ARID2: variants seen among roughly 807,000 people sequenced by gnomAD.
ARID2 encodes the protein AT-rich interaction domain 2.
In ARID2, 32 loss-of-function variants were observed where a neutral mutation model predicts 184.6. That is an observed-to-expected ratio of 0.17 (90% CI 0.13 to 0.23). The LOEUF is 0.23. Ranked by LOEUF, ARID2 falls within the 10% of genes least tolerant of loss-of-function variation. The pLI, the probability that ARID2 is intolerant of heterozygous loss-of-function variation, is 1.00. For synonymous variants in ARID2, 836 were observed against 772.6 expected (o/e 1.08, Z -1.36); for missense variants, 1,696 against 2,197.6 (o/e 0.77, Z 4.56).
intron 16 of ARID2, among the ~76,000 whole-genome samples, chr12:45,865,632 G>A (rs1460437726): frequency 1.3e-5 from 2 of 151,992 alleles, no homozygotes; most frequent in Non-Finnish European, 2.9e-5. Context: ...TTTTTATTTA[G>A]AACTTATGTG....
chr12:45,734,135 G>A (rs1204056999), intron 3 of ARID2, among the ~76,000 whole-genome samples: 5 of 152,188 alleles, frequency 3.3e-5, no homozygotes, highest in Non-Finnish European at 5.9e-5. Context: ...TTGGGAGGCC[G>A]AGGCAGACGG....
chr12:45,754,043 C>G (rs1019792463), intron 3 of ARID2, among the ~76,000 whole-genome samples: 1 of 152,286 alleles, frequency 6.6e-6, no homozygotes, highest in East Asian at 1.9e-4. Flanking sequence ...CTAATAGTAT[C>G]ATTGAAATAC....
At chr12:45,867,912 A>G (rs1943857217) in intron 16 of ARID2, among the ~76,000 whole-genome samples, 1 of 152,172 alleles carries the variant, frequency 6.6e-6, no homozygotes, top group Non-Finnish European at 1.5e-5. Context: ...TTTGACAACT[A>G]TTAATATAAT....
rs147605841 is a variant in ARID2, at chr12:45,846,913, A to T, written c.1556A>T (p.Asp519Val). 1 of 1,613,170 alleles carries T rather than the reference A, an allele frequency of 6.2e-7. No individual in the cohort carries two copies. ...VAPPPGIVEI[D>V]SEKFACQWLN... ...CCACCTCCAGGAATAGTGGAAATAG[A>T]TAGTGAGAAGTTTGCTTGTCAGTGG... Residue 519 changes from aspartate (D) to valine (V), a missense_variant, in exon 12 of 21, where the codon GAT becomes GTT. By Grantham distance (152) the Asp-to-Val change is radical. This residue lies in a region of ARID2 where 713 missense variants were observed against 824.4 expected (regional missense o/e 0.86). Coordinates refer to ENST00000334344, the MANE Select transcript of ARID2 (RefSeq NM_152641.4).
intron 3 of ARID2, among the ~76,000 whole-genome samples, chr12:45,746,682 T>C (rs1941361820): frequency 6.6e-6 from 1 of 152,186 alleles, no homozygotes; most frequent in Non-Finnish European, 1.5e-5. Context: ...ATGACATAGA[T>C]ACTGTTAATA....
At chr12:45,734,172 C>T (rs1941063263) in intron 3 of ARID2, among the ~76,000 whole-genome samples, 1 of 152,062 alleles carries the variant, frequency 6.6e-6, no homozygotes. Flanking sequence ...AGTTTGAGAC[C>T]AGCCTGGCCA....
intron 3 of ARID2, among the ~76,000 whole-genome samples, chr12:45,780,610 AATTATT>A (rs569637304): frequency 2.0e-5 from 3 of 151,532 alleles, no homozygotes; most frequent in Admixed American, 1.3e-4. Context: ...AATTGATATA[AATTATT>A]ATTATTATTA....
At chr12:45,789,686 CAG>C (rs1420598133) in intron 3 of ARID2, 1 of 152,098 alleles carries the variant, frequency 6.6e-6, no homozygotes, top group Non-Finnish European at 1.5e-5. Flanking sequence ...TGTGTTATTC[CAG>C]TAACTTTTGC....
At chr12:45,899,654 T>C (rs1944422558) in intron 20 of ARID2, among the ~76,000 whole-genome samples, 1 of 49,376 alleles carries the variant, frequency 2.0e-5, no homozygotes, top group African/African-American at 1.3e-4. Context: ...TATATTTGGT[T>C]ATATATATAT....
Position 45,906,800 on chromosome 12 carries a change from A to G in ARID2, c.*1722A>G, listed in dbSNP as rs1944535739. 1 of 232,068 alleles carries G rather than the reference A, an allele frequency of 4.3e-6. No homozygotes were observed. Among genetic ancestry groups the G allele is most frequent in the Non-Finnish European group, 8.5e-6 (1 of 117,428 alleles). The allele number at this position is 232,068 out of a possible 1,614,324, so 14.4% of individuals were successfully genotyped here. On this transcript the variant is annotated 3_prime_UTR_variant, in exon 21 of 21. Coordinates refer to ENST00000334344, the MANE Select transcript of ARID2 (RefSeq NM_152641.4). ...AGAACAGCAAATGATTGATGCAGTT[A>G]AAGCTCAATATGCCTTTTTTTACTG... is the stretch of plus-strand genomic sequence containing the variant.
At chr12:45,795,205 A>G (rs913346894) in intron 3 of ARID2, among the ~76,000 whole-genome samples, 1 of 152,154 alleles carries the variant, frequency 6.6e-6, no homozygotes, top group Non-Finnish European at 1.5e-5. Context: ...TGCACCCTCC[A>G]TGTGCCAGTA....
At chr12:45,738,749 A>T (rs1019332783) in intron 3 of ARID2, among the ~76,000 whole-genome samples, 1 of 138,850 alleles carries the variant, frequency 7.2e-6, no homozygotes, top group Non-Finnish European at 1.5e-5. Context: ...ATGCCACCCA[A>T]ACTTTTTTCT....
At chr12:45,750,383 T>A (rs1265531645) in intron 3 of ARID2, among the ~76,000 whole-genome samples, 1 of 152,096 alleles carries the variant, frequency 6.6e-6, no homozygotes, top group Non-Finnish European at 1.5e-5. Flanking sequence ...ATCACCATAA[T>A]GGATATAATA....
At chr12:45,853,019 C>G in intron 15 of ARID2, 123 bp downstream of exon 15, 1 of 1,332,696 alleles carries the variant, frequency 7.5e-7, no homozygotes, top group South Asian at 2.1e-5. Context: ...TCACTTGTAT[C>G]CAACCTGTCC....
intron 3 of ARID2, among the ~76,000 whole-genome samples, chr12:45,797,062 A>G (rs1942404748): frequency 6.6e-6 from 1 of 152,156 alleles, no homozygotes; most frequent in African/African-American, 2.4e-5. Context: ...CTTTGTTTTA[A>G]AAAATCATGT....
intron 11 of ARID2, among the ~76,000 whole-genome samples, chr12:45,843,191 T>C (rs980831601): frequency 7.3e-5 from 11 of 150,920 alleles, no homozygotes; most frequent in African/African-American, 2.7e-4. Flanking sequence ...TAACAAGATA[T>C]GAGTATAAAT....
At chr12:45,730,873 CTTTTTTTT>C (rs564524227) in intron 2 of ARID2, among the ~76,000 whole-genome samples, 2 of 96,688 alleles carry the variant, frequency 2.1e-5, no homozygotes, top group South Asian at 7.8e-4. Context: ...TCCTTTTGAA[CTTTTTTTT>C]TTTTTTTTTT....
chr12:45,823,256 T>C lies in ARID2; in HGVS notation c.705+1769T>C, dbSNP rs77449290. 8.5e-3 allele frequency among the ~76,000 whole-genome samples: 1,290 copies of C among 152,038 alleles called. 16 individuals are homozygous for C. Among genetic ancestry groups the C allele is most frequent in the African/African-American group, 0.027 (1,140 of 41,494 alleles). On this transcript the variant is annotated intron_variant, in intron 6 of 20. Transcript: ENST00000334344. ...CAAGGAAGAAGTTAAGAAGGAAATT[T>C]AAAATGGAAACACAATATGCCAAAA...
chr12:45,841,829 A>C (rs1166034634), intron 11 of ARID2: 1 of 152,176 alleles, frequency 6.6e-6, no homozygotes, highest in Non-Finnish European at 1.5e-5. Context: ...TCCTCACAAG[A>C]GTTTTATCCT....
Sources: gnomAD v4.1 joint callset for allele counts (sites outside exome capture counted in the v4.1 genomes callset) on GRCh38, gnomAD v4.1.1 for gene constraint, gnomAD v4.1.1 regional missense constraint, MANE v1.5 for transcripts, NCBI Gene and HGNC (gene_info 2026-07-23, HGNC 2026-07-21) for gene names.